The following CTNNA2 variants were observed in gnomAD, a reference collection of about 807,000 sequenced individuals.
CTNNA2 encodes catenin alpha 2, also known as catenin alpha-2.
A neutral mutation model predicts 101.0 loss-of-function variants in CTNNA2; 42 were observed. The ratio of observed to expected loss-of-function variants is 0.42; its 90% confidence interval spans 0.32 to 0.54. CTNNA2 has a LOEUF of 0.54. CTNNA2 is among the 20% of genes least tolerant of loss of function. The probability of loss-of-function intolerance (pLI) is 0.14; values close to 1 mark genes in which losing one functional copy is unlikely to be tolerated. For synonymous variants in CTNNA2, 450 were observed against 456.4 expected, an observed-to-expected ratio of 0.99 and a Z score of 0.18; for missense variants, 871 against 1,223.1, an observed-to-expected ratio of 0.71 and a Z score of 4.29.
chr2:79,353,576 G>A (rs1021025325), intron 3 of CTNNA2, among the ~76,000 whole-genome samples: 1 of 152,068 alleles, frequency 6.6e-6, no homozygotes, highest in African/African-American at 2.4e-5. Flanking sequence ...ATGTGGAATG[G>A]GTTTCTTGAA....
chr2:80,367,270 A>G (rs768555761), intron 7 of CTNNA2, among the ~76,000 whole-genome samples: 2 of 152,156 alleles, frequency 1.3e-5, no homozygotes, highest in Non-Finnish European at 2.9e-5. Context: ...ACTAGAGTAT[A>G]CAATGCGGTG....
intron 7 of CTNNA2, among the ~76,000 whole-genome samples, chr2:80,056,672 A>G (rs1697233949): frequency 6.6e-6 from 1 of 152,154 alleles, no homozygotes; most frequent in Non-Finnish European, 1.5e-5. Flanking sequence ...TTTATCGCCC[A>G]ATGCAAGTGT....
At chr2:80,642,746 A>T (rs1391562483) in intron 18 of CTNNA2, among the ~76,000 whole-genome samples, 1 of 152,208 alleles carries the variant, frequency 6.6e-6, no homozygotes, top group African/African-American at 2.4e-5. Flanking sequence ...CATAAGCTGT[A>T]GCAAGAGTCA....
At chr2:80,175,625 A>T (rs1257654357) in intron 7 of CTNNA2, among the ~76,000 whole-genome samples, 1 of 152,154 alleles carries the variant, frequency 6.6e-6, no homozygotes, top group African/African-American at 2.4e-5. Context: ...GAGGGATAGG[A>T]CTAATCGGAT....
At chr2:79,570,445 A>G (rs750430586) in intron 1 of CTNNA2, among the ~76,000 whole-genome samples, 7 of 152,112 alleles carry the variant, frequency 4.6e-5, no homozygotes, top group Non-Finnish European at 1.0e-4. Context: ...CTTCCAAATG[A>G]TTGTTGTTTA....
intron 1 of CTNNA2, among the ~76,000 whole-genome samples, chr2:79,197,726 C>T (rs1673979874): frequency 6.6e-6 from 1 of 152,186 alleles, no homozygotes; most frequent in Non-Finnish European, 1.5e-5. Context: ...ATTACCTAGC[C>T]TCTGTGCCGT....
chr2:79,966,330 G>T (rs539803570), intron 7 of CTNNA2, among the ~76,000 whole-genome samples: 1 of 152,036 alleles, frequency 6.6e-6, no homozygotes, highest in Non-Finnish European at 1.5e-5. Context: ...TGAACCATGG[G>T]GCTCAAGCGA....
chr2:80,389,328 T>A (rs1052670137), intron 7 of CTNNA2, among the ~76,000 whole-genome samples: 15 of 151,464 alleles, frequency 9.9e-5, no homozygotes, highest in Admixed American at 2.6e-4. Context: ...CTCAGACTTT[T>A]AAAAAAAAAT....
intron 2 of CTNNA2, among the ~76,000 whole-genome samples, chr2:79,303,834 G>A (rs1202316771): frequency 1.3e-5 from 2 of 151,798 alleles, no homozygotes; most frequent in African/African-American, 4.8e-5. Context: ...GGATGCCTGG[G>A]ACACACACTT....
intron 18 of CTNNA2, among the ~76,000 whole-genome samples, chr2:80,619,700 A>G (rs1359444368): frequency 6.6e-6 from 1 of 151,946 alleles, no homozygotes. Flanking sequence ...GAGGATTATC[A>G]ACAAATACTT....
chr2:80,532,546 C>T (rs1024448919), intron 9 of CTNNA2, among the ~76,000 whole-genome samples: 1 of 152,096 alleles, frequency 6.6e-6, no homozygotes, highest in African/African-American at 2.4e-5. Context: ...TACAATTGTT[C>T]TATTTTATTA....
intron 2 of CTNNA2, among the ~76,000 whole-genome samples, chr2:79,283,072 G>C (rs1392041754): frequency 1.3e-5 from 1 of 78,422 alleles, no homozygotes; most frequent in Non-Finnish European, 3.2e-5. Flanking sequence ...AGAAGTGTCT[G>C]TTGATGTCCT....
In CTNNA2 at chr2:80,454,550, A is replaced by G. The variant is rs1480333506; in HGVS notation, c.1290+34949A>G. ...ATCCCTTGTCCTTGAACGTGTTCAA[A>G]TGTTAGATTTTTAAAAAGCTCTATT... is the stretch of plus-strand genomic sequence containing the variant. On this transcript the variant is annotated intron_variant, in intron 9 of 18. Coordinates refer to ENST00000402739, the MANE Select transcript of CTNNA2 (RefSeq NM_001282597.3). Among the ~76,000 whole-genome samples the G allele has an allele frequency of 3.3e-5, 5 of 152,326 alleles. No homozygotes were observed. In the Middle Eastern group the frequency reaches 0.01, roughly 311 times the overall value.
At chr2:79,899,121 A>G (rs1378998257) in intron 6 of CTNNA2, among the ~76,000 whole-genome samples, 1 of 152,160 alleles carries the variant, frequency 6.6e-6, no homozygotes, top group Non-Finnish European at 1.5e-5. Flanking sequence ...AATACTGAAT[A>G]AAAACGATGG....
At chr2:80,390,036 G>A (rs1232013183) in intron 7 of CTNNA2, among the ~76,000 whole-genome samples, 4 of 152,188 alleles carry the variant, frequency 2.6e-5, no homozygotes, top group African/African-American at 9.6e-5. Flanking sequence ...TGTCTCTGTA[G>A]CTAGTCAAAC....
chr2:79,502,725 A>G (rs1004765558), intron 4 of CTNNA2, among the ~76,000 whole-genome samples: 1 of 152,126 alleles, frequency 6.6e-6, no homozygotes, highest in Non-Finnish European at 1.5e-5. Context: ...TTGGCTGGGG[A>G]TGATATTGGA....
chr2:79,393,836 C>A (rs538309956), intron 4 of CTNNA2, among the ~76,000 whole-genome samples: 7 of 152,100 alleles, frequency 4.6e-5, no homozygotes, highest in Non-Finnish European at 1.0e-4. Flanking sequence ...TGGCTCCCTG[C>A]AGGATCGGCT....
intron 7 of CTNNA2, among the ~76,000 whole-genome samples, chr2:80,282,359 G>A (rs1261323554): frequency 6.6e-6 from 1 of 151,944 alleles, no homozygotes; most frequent in Non-Finnish European, 1.5e-5. Context: ...CTTTAGACAT[G>A]ATTTTTTGAT....
chr2:79,478,005 T>G (rs1057419587), intron 4 of CTNNA2, among the ~76,000 whole-genome samples: 2 of 152,232 alleles, frequency 1.3e-5, no homozygotes, highest in Non-Finnish European at 2.9e-5. Context: ...GTCAAGTTGC[T>G]ACTGAAAATT....
Sources: gnomAD v4.1 joint callset for allele counts (sites outside exome capture counted in the v4.1 genomes callset) on GRCh38, gnomAD v4.1.1 for gene constraint, MANE v1.5 for transcripts, NCBI Gene and HGNC (gene_info 2026-07-23, HGNC 2026-07-21) for gene names.